Variants in STX6 observed in about 807,000 individuals in gnomAD.
STX6 encodes syntaxin 6.
STX6 carries 23 observed loss-of-function variants against 38.0 expected under a neutral mutation model. The ratio of observed to expected loss-of-function variants is 0.60; its 90% confidence interval spans 0.43 to 0.86. The LOEUF (loss-of-function observed/expected upper bound fraction) is 0.86. Ranked by LOEUF, STX6 falls within the 40% of genes least tolerant of loss-of-function variation. The pLI, the probability that STX6 is intolerant of heterozygous loss-of-function variation, is 0.00. For missense variants in STX6, 274 were observed against 312.9 expected (o/e 0.88, Z 0.94); for synonymous variants, 123 against 107.5 (o/e 1.14, Z -0.89).
At position 180,974,507 on chromosome 1, in the gene STX6, G is replaced by A. The variant is rs1423796506; in HGVS notation, c.*2063C>T. ...ACTAGGTTTGTTCCAAACGGCCCCT[G>A]CTGACACACATGATCCTTTTGTGTG... On this transcript the variant is annotated 3_prime_UTR_variant, in exon 8 of 8. Transcript: ENST00000258301. 3 of 152,624 alleles carry A rather than the reference G, an allele frequency of 2.0e-5. No homozygotes were observed. In the East Asian group the frequency reaches 5.8e-4, roughly 29 times the overall value. The allele number at this position is 152,624 out of a possible 1,614,324, so 9.5% of individuals were successfully genotyped here.
At chr1:180,984,223 A>C (rs2102304084) in intron 7 of STX6, among the ~76,000 whole-genome samples, 1 of 151,404 alleles carries the variant, frequency 6.6e-6, no homozygotes, top group South Asian at 2.1e-4. Context: ...TCTGATTCTA[A>C]GGCATCACAA....
intron 5 of STX6, 139 bp downstream of exon 5, chr1:180,989,845 T>C: frequency 9.5e-7 from 1 of 1,053,446 alleles, no homozygotes; most frequent in South Asian, 1.6e-5. Context: ...CATATGCAAT[T>C]ATTAAACACA....
chr1:180,986,736 C>G (rs1655599105), intron 6 of STX6, among the ~76,000 whole-genome samples: 1 of 152,090 alleles, frequency 6.6e-6, no homozygotes, highest in Non-Finnish European at 1.5e-5. Flanking sequence ...AAAAACAAAC[C>G]CCTTTACTAT....
chr1:181,013,508 CAG>C (rs1656469045), intron 1 of STX6, among the ~76,000 whole-genome samples: 1 of 152,280 alleles, frequency 6.6e-6, no homozygotes, highest in Middle Eastern at 3.4e-3. Context: ...ATTGTAGAAA[CAG>C]GGTCTCGCTG....
At chr1:181,017,347 C>T (rs566262359) in intron 1 of STX6, among the ~76,000 whole-genome samples, 26 of 151,134 alleles carry the variant, frequency 1.7e-4, no homozygotes, top group African/African-American at 4.6e-4. Flanking sequence ...GAGCCGAGAT[C>T]GCGCCACTGC....
At chr1:180,986,298 TTC>T (rs757883605) in intron 6 of STX6, among the ~76,000 whole-genome samples, 6 of 144,560 alleles carry the variant, frequency 4.2e-5, no homozygotes, top group East Asian at 4.1e-4. Context: ...GTGAAATTAA[TTC>T]TGTTGTATTT....
intron 3 of STX6, 40 bp downstream of exon 3, chr1:181,002,566 A>T (rs752753060): frequency 8.9e-6 from 13 of 1,454,504 alleles, no homozygotes; most frequent in Non-Finnish European, 8.6e-6. Flanking sequence ...AAGTCTGGCT[A>T]TTTCTTATAC....
intron 1 of STX6, among the ~76,000 whole-genome samples, 183 bp from the exon 2 acceptor site, chr1:181,005,646 C>A (rs1046251857): frequency 6.6e-6 from 1 of 152,208 alleles, no homozygotes; most frequent in African/African-American, 2.4e-5. Context: ...GTATTATGTT[C>A]TCAGCTGATG....
At position 180,976,767 on chromosome 1, in the gene STX6, C is replaced by T. The variant is rs572137607; in HGVS notation, c.692-121G>A. 964 of 881,244 alleles carry T rather than the reference C, an allele frequency of 1.1e-3. 7 individuals are homozygous for T. In the African/African-American group the frequency reaches 0.014, roughly 13 times the overall value. 54.6% of individuals were successfully genotyped at this position (881,244 alleles called of 1,614,324 possible). On this transcript the variant is annotated intron_variant, in intron 7 of 7. Transcript: ENST00000258301. ...GGGGCAGAACGTGCAAATGACGGGG[C>T]CATGATCTTACACCTGCCTAGGTGC...
intron 6 of STX6, chr1:180,987,793 T>G (rs1238897746): frequency 7.9e-5 from 1 of 12,630 alleles, no homozygotes; most frequent in African/African-American, 5.2e-4. Context: ...AATTTGTAAG[T>G]TTTTTTTAAA....
At chr1:181,014,438 G>C (rs1558100017) in intron 1 of STX6, among the ~76,000 whole-genome samples, 1 of 151,434 alleles carries the variant, frequency 6.6e-6, no homozygotes, top group Non-Finnish European at 1.5e-5. Context: ...ACACAGGACA[G>C]AACATTTATT....
chr1:180,979,519 T>A (rs1655343562), intron 7 of STX6, among the ~76,000 whole-genome samples: 1 of 152,224 alleles, frequency 6.6e-6, no homozygotes, highest in East Asian at 1.9e-4. Context: ...AGGCAGACTT[T>A]ACACCTTAAC....
chr1:181,001,362 A>G (rs1656074227), intron 3 of STX6, among the ~76,000 whole-genome samples: 3 of 152,238 alleles, frequency 2.0e-5, no homozygotes, highest in Admixed American at 1.3e-4. Context: ...TATGCTAATC[A>G]AATGGCTTAG....
chr1:180,987,657 G>A (rs1321048079), intron 6 of STX6: 2 of 152,190 alleles, frequency 1.3e-5, no homozygotes, highest in East Asian at 3.8e-4. Context: ...CAGCATTTAA[G>A]AATGCAGTTT....
Position 180,988,225 on chromosome 1 carries a change from G to A in STX6, c.596+14C>T, listed in dbSNP as rs1655646127. 2 of 1,600,180 alleles carry A rather than the reference G, an allele frequency of 1.2e-6. No individual in the cohort carries two copies. The highest frequency in any genetic ancestry group is 2.7e-5 in the African/African-American group (2 of 74,618). ...TCAATTTCACTGAAGCGAGAGGGGT[G>A]TCTCAATACTCACACTGCCTGTTCC... is the stretch of plus-strand genomic sequence containing the variant. On this transcript the variant is annotated intron_variant, in intron 6 of 7. Transcript: ENST00000258301.
chr1:180,979,289 G>A (rs1455911900), intron 7 of STX6, among the ~76,000 whole-genome samples: 1 of 152,110 alleles, frequency 6.6e-6, no homozygotes, highest in African/African-American at 2.4e-5. Context: ...CCAGAAATGT[G>A]GAACAACTAT....
At chr1:181,014,513 C>G (rs1024778302) in intron 1 of STX6, among the ~76,000 whole-genome samples, 1 of 152,216 alleles carries the variant, frequency 6.6e-6, no homozygotes, top group African/African-American at 2.4e-5. Flanking sequence ...AGCACCTACT[C>G]TGCAAGTCTT....
At chr1:180,982,875 A>G (rs1392489177) in intron 7 of STX6, among the ~76,000 whole-genome samples, 3 of 152,204 alleles carry the variant, frequency 2.0e-5, no homozygotes, top group Non-Finnish European at 4.4e-5. Context: ...CCTGCTTCCC[A>G]TATATGCACA....
At chr1:181,017,212 C>T (rs1054444684) in intron 1 of STX6, among the ~76,000 whole-genome samples, 1 of 151,824 alleles carries the variant, frequency 6.6e-6, no homozygotes, top group Admixed American at 6.6e-5. Flanking sequence ...CAGTGAAACC[C>T]CGTATCTACT....
Sources: gnomAD v4.1 joint callset for allele counts (sites outside exome capture counted in the v4.1 genomes callset) on GRCh38, gnomAD v4.1.1 for gene constraint, MANE v1.5 for transcripts, NCBI Gene and HGNC (gene_info 2026-07-23, HGNC 2026-07-21) for gene names.